Variants in INO80 observed in about 807,000 individuals in gnomAD.
INO80 encodes the protein chromatin-remodeling ATPase INO80.
A neutral mutation model predicts 203.4 loss-of-function variants in INO80; 20 were observed. The ratio of observed to expected loss-of-function variants is 0.10; its 90% confidence interval spans 0.07 to 0.14. The LOEUF (loss-of-function observed/expected upper bound fraction) is 0.14, where lower values mean the gene tolerates loss of function less well. Ranked by LOEUF, INO80 falls within the 10% of genes least tolerant of loss-of-function variation. INO80 has a pLI of 1.00. For missense variants in INO80, 1,419 were observed against 1,914.4 expected (o/e 0.74, Z 4.83); for synonymous variants, 726 against 685.2 (o/e 1.06, Z -0.93).
intron 16 of INO80, among the ~76,000 whole-genome samples, 188 bp from the exon 17 acceptor site, chr15:41,056,894 G>C (rs7174223): frequency 0.091 from 13,861 of 152,120 alleles, 1,801 homozygotes; most frequent in African/African-American, 0.29. Context: ...AGGGAAATGA[G>C]TCCTCTCTAC....
rs1369196318 is a variant in INO80, at chr15:41,074,515, C to T, written c.1182G>A (p.Leu394=). 6.2e-7 allele frequency: 1 copy of T among 1,613,802 alleles called. No individual in the cohort carries two copies. Among genetic ancestry groups the T allele is most frequent in the Non-Finnish European group, 8.5e-7 (1 of 1,179,914 alleles). ...KLNFLITQTE[L]YAHFMSRKRD... is the part of the protein sequence containing the mutation. ...GTTTGCGACTCATGAAATGGGCATA[C>T]AACTCTGTCTGGGTAATTAAGAAGT... is the stretch of plus-strand genomic sequence containing the variant. Residue 394 remains leucine, a synonymous_variant, in exon 10 of 36, where the codon TTG becomes TTA. Transcript: ENST00000648947.
chr15:41,107,985 A>G (rs965319236), intron 1 of INO80, among the ~76,000 whole-genome samples: 1 of 151,896 alleles, frequency 6.6e-6, no homozygotes, highest in Non-Finnish European at 1.5e-5. Flanking sequence ...CTGTAATCCC[A>G]GCTACTAGGG....
At chr15:41,066,269 C>T (rs1161904595) in intron 14 of INO80, among the ~76,000 whole-genome samples, 1 of 151,926 alleles carries the variant, frequency 6.6e-6, no homozygotes, top group Non-Finnish European at 1.5e-5. Flanking sequence ...TGAGCCACCG[C>T]ACCCGGCCCA....
chr15:40,991,095 A>G (rs2043811718), intron 29 of INO80, among the ~76,000 whole-genome samples: 1 of 152,108 alleles, frequency 6.6e-6, no homozygotes, highest in African/African-American at 2.4e-5. Flanking sequence ...TTTTTCCTAG[A>G]AGACCCAGTG....
intron 9 of INO80, among the ~76,000 whole-genome samples, chr15:41,079,425 A>G (rs2045451427): frequency 6.6e-6 from 1 of 152,052 alleles, no homozygotes; most frequent in Non-Finnish European, 1.5e-5. Flanking sequence ...AAAGACTAAA[A>G]GCAGAATTGG....
intron 24 of INO80, among the ~76,000 whole-genome samples, chr15:41,034,725 TTTACA>T (rs2044543626): frequency 6.6e-6 from 1 of 152,152 alleles, no homozygotes; most frequent in African/African-American, 2.4e-5. Context: ...CCTTCCAACT[TTTACA>T]TTTCCCCATG....
chr15:40,996,673 A>C (rs986311878), intron 29 of INO80, among the ~76,000 whole-genome samples: 4 of 152,222 alleles, frequency 2.6e-5, no homozygotes, highest in African/African-American at 9.6e-5. Context: ...TTCCTGCAAG[A>C]AGACTGGGTA....
At chr15:41,089,525 G>A (rs946155068) in intron 5 of INO80, among the ~76,000 whole-genome samples, 4 of 152,174 alleles carry the variant, frequency 2.6e-5, no homozygotes, top group Non-Finnish European at 4.4e-5. Flanking sequence ...GCCGAGGCGG[G>A]TGGATCACCT....
chr15:41,090,111 A>G (rs2045613332), intron 5 of INO80, among the ~76,000 whole-genome samples: 1 of 152,180 alleles, frequency 6.6e-6, no homozygotes, highest in Non-Finnish European at 1.5e-5. Context: ...CATATATAAG[A>G]TAAGGTATAA....
rs976818146 is a variant in INO80 at position 40,979,849 on chromosome 15, C to T, written c.*374G>A. The T allele has an allele frequency of 2.3e-5, 6 of 265,350 alleles. No homozygotes were observed. Among genetic ancestry groups the T allele is most frequent in the Admixed American group, 4.9e-5 (1 of 20,512 alleles). 16.4% of individuals were successfully genotyped at this position (265,350 alleles called of 1,614,324 possible). Reference sequence around the variant, plus strand: ...CATGGAAGGCTCTTCACAGCACCTGCGGAGACTTTGCAAGGGACGTGTCAG... The same window carrying T: ...CATGGAAGGCTCTTCACAGCACCTGTGGAGACTTTGCAAGGGACGTGTCAG... On this transcript the variant is annotated 3_prime_UTR_variant, in exon 36 of 36. Transcript: ENST00000648947.
chr15:41,096,183 T>C lies in INO80; in HGVS notation c.128A>G (p.Asn43Ser), dbSNP rs138319948. 266 of 1,607,194 alleles carry C rather than the reference T, an allele frequency of 1.7e-4. No individual in the cohort carries two copies. The highest frequency in any genetic ancestry group is 2.2e-4 in the Non-Finnish European group (254 of 1,178,266). The change falls in exon 2 of 36, where the codon AAT (asparagine) becomes AGT (serine). Residue 43 changes from asparagine to serine, a missense_variant. Asn to Ser is a conservative substitution (Grantham distance 46). This residue lies in a region of INO80 where 323 missense variants were observed against 325.4 expected (regional missense o/e 0.99). Transcript: ENST00000648947. ...AATAACATACCTAGAAATATTCCTA[T>C]TGAAGATAGCTGACGTTTGTCGCAG... ...HFLRQTSAIF[N>S]RNISSDDSED...
At chr15:41,031,973 C>CACAGCACAGCACAGCACAGG (rs2044486203) in intron 24 of INO80, among the ~76,000 whole-genome samples, 1 of 83,602 alleles carries the variant, frequency 1.2e-5, no homozygotes, top group Admixed American at 1.3e-4. Flanking sequence ...GACAGCACAG[C>CACAGCACAGCACAGCACAGG]ACAGCACAGC....
chr15:41,039,922 T>A (rs140227552), intron 24 of INO80, among the ~76,000 whole-genome samples: 3 of 152,302 alleles, frequency 2.0e-5, no homozygotes, highest in African/African-American at 7.2e-5. Context: ...ATGTATATAA[T>A]TTAAAACAAA....
At chr15:41,115,376 G>A (rs2046017345) in intron 1 of INO80, among the ~76,000 whole-genome samples, 1 of 152,180 alleles carries the variant, frequency 6.6e-6, no homozygotes, top group African/African-American at 2.4e-5. Context: ...CACTTTCCTA[G>A]TCGCTATGTA....
At chr15:41,028,035 A>C (rs1206143893) in intron 24 of INO80, 2 of 206,476 alleles carry the variant, frequency 9.7e-6, no homozygotes, top group Non-Finnish European at 2.0e-5. Context: ...TAGACAAATC[A>C]CTTGTATGGG....
chr15:41,109,931 C>CA (rs578187934), intron 1 of INO80, among the ~76,000 whole-genome samples: 1,425 of 122,636 alleles, frequency 0.012, 26 homozygotes, highest in African/African-American at 0.033. Context: ...GACTCCACCT[C>CA]AAAAAAAAAA....
intron 25 of INO80, among the ~76,000 whole-genome samples, chr15:41,025,673 T>C (rs1269754339): frequency 6.6e-6 from 1 of 152,004 alleles, no homozygotes; most frequent in African/African-American, 2.4e-5. Context: ...CAAGGTTGTG[T>C]CACTGCACTC....
intron 14 of INO80, among the ~76,000 whole-genome samples, chr15:41,067,339 G>T (rs1303680926): frequency 2.6e-5 from 4 of 152,014 alleles, no homozygotes; most frequent in African/African-American, 9.7e-5. Flanking sequence ...CTCCTAAAGT[G>T]CTGAGATTAC....
chr15:40,983,118 A>G, intron 34 of INO80, 41 bp from the exon 35 acceptor site: 12 of 1,528,794 alleles, frequency 7.8e-6, no homozygotes, highest in Non-Finnish European at 1.1e-5. Flanking sequence ...AAAAAAAAAA[A>G]AAGTCAATCT....
Sources: allele counts gnomAD v4.1 joint callset (sites outside exome capture counted in the v4.1 genomes callset), GRCh38; gene constraint gnomAD v4.1.1; regional missense constraint gnomAD v4.1.1; transcripts MANE v1.5; gene names NCBI Gene and HGNC (gene_info 2026-07-23, HGNC 2026-07-21).